SFXN5: variants seen among roughly 807,000 people sequenced by gnomAD.
SFXN5 encodes sideroflexin 5, also known as sideroflexin-5.
In SFXN5, 43 loss-of-function variants were observed where a neutral mutation model predicts 50.2. That is an observed-to-expected ratio of 0.86 (90% CI 0.67 to 1.11). The LOEUF is 1.11. Among genes scored for constraint, SFXN5 ranks in the 50% least tolerant of loss-of-function variants. The pLI is 0.00. For synonymous variants in SFXN5, 203 were observed against 185.8 expected (o/e 1.09, Z -0.75); for missense variants, 463 against 454.1 (o/e 1.02, Z -0.18).
chr2:72,970,781 G>A (rs993502164), intron 11 of SFXN5, among the ~76,000 whole-genome samples: 2 of 151,716 alleles, frequency 1.3e-5, no homozygotes, highest in Non-Finnish European at 2.9e-5. Context: ...TCTACCCCCC[G>A]GGTTCAAGCA....
intron 3 of SFXN5, among the ~76,000 whole-genome samples, chr2:73,023,815 G>A (rs551630521): frequency 8.5e-5 from 13 of 152,276 alleles, no homozygotes; most frequent in African/African-American, 3.1e-4. Flanking sequence ...CATTATGCCT[G>A]TTGTTATCAT....
chr2:73,058,949 G>T, intron 1 of SFXN5: 1 of 601,436 alleles, frequency 1.7e-6, no homozygotes. Context: ...CTGGTCCCCA[G>T]CCCTCTCCCA....
chr2:73,002,220 G>A (rs1384816361), intron 6 of SFXN5, among the ~76,000 whole-genome samples: 1 of 152,226 alleles, frequency 6.6e-6, no homozygotes, highest in Admixed American at 6.5e-5. Context: ...TTTGTTGAAT[G>A]AGTGAAGAAA....
intron 6 of SFXN5, among the ~76,000 whole-genome samples, chr2:73,013,450 A>T (rs1675792352): frequency 1.5e-5 from 2 of 134,814 alleles, no homozygotes; most frequent in South Asian, 2.3e-4. Flanking sequence ...TGTGTTTGAG[A>T]GATAGAGATG....
At chr2:73,042,237 A>G (rs1679735271) in intron 2 of SFXN5, among the ~76,000 whole-genome samples, 1 of 152,240 alleles carries the variant, frequency 6.6e-6, no homozygotes, top group African/African-American at 2.4e-5. Context: ...GCATTTATAT[A>G]GCCCCAAACT....
At chr2:73,015,983 G>A (rs924124598) in intron 6 of SFXN5, among the ~76,000 whole-genome samples, 4 of 150,946 alleles carry the variant, frequency 2.6e-5, no homozygotes, top group Non-Finnish European at 5.9e-5. Flanking sequence ...GTCTTTCTAG[G>A]CAGTTTTGGT....
chr2:72,986,199 T>C (rs1370160618), intron 10 of SFXN5, among the ~76,000 whole-genome samples: 1 of 152,224 alleles, frequency 6.6e-6, no homozygotes, highest in Non-Finnish European at 1.5e-5. Flanking sequence ...GTGGAGTTGC[T>C]ATAGCAATTA....
At chr2:73,070,613 T>C (rs1683512448) in intron 1 of SFXN5, 1 of 150,950 alleles carries the variant, frequency 6.6e-6, no homozygotes, top group South Asian at 2.1e-4. Flanking sequence ...AGCCCGAGGG[T>C]CTGCGGCGCG....
At chr2:72,989,219 G>A (rs1024680927) in intron 9 of SFXN5, among the ~76,000 whole-genome samples, 1 of 152,064 alleles carries the variant, frequency 6.6e-6, no homozygotes, top group Non-Finnish European at 1.5e-5. Context: ...TCCAGCCATG[G>A]GGCCTTTGCA....
chr2:72,968,168 C>CACAA (rs1281089115), intron 12 of SFXN5, among the ~76,000 whole-genome samples: 1 of 144,360 alleles, frequency 6.9e-6, no homozygotes, highest in South Asian at 2.2e-4. Context: ...CACACACACA[C>CACAA]AACTGCCAGC....
intron 13 of SFXN5, among the ~76,000 whole-genome samples, chr2:72,949,360 G>A (rs1672286164): frequency 6.6e-6 from 1 of 152,162 alleles, no homozygotes; most frequent in Non-Finnish European, 1.5e-5. Context: ...ATCTCGCTCT[G>A]TCACCCAGGC....
rs548231190 is a variant in SFXN5 at position 72,953,491 on chromosome 2, G to T, written c.945+7640C>A. ...GGCCTCGCATCAACCCTGGAAGAGTGGGAGAAGCAGGGACCAACAAAGTCA... is the reference window on the plus strand; with the variant it reads ...GGCCTCGCATCAACCCTGGAAGAGTTGGAGAAGCAGGGACCAACAAAGTCA... On this transcript the variant is annotated intron_variant, in intron 13 of 13. Transcript: ENST00000272433. The surrounding 1 kb of genome is among the most constrained non-coding windows in gnomAD (Gnocchi z 4.1). Among the ~76,000 whole-genome samples, 8 of 152,266 alleles carry T rather than the reference G, an allele frequency of 5.3e-5. No homozygotes were observed. The highest frequency in any genetic ancestry group is 1.9e-4 in the African/African-American group (8 of 41,564).
chr2:72,998,781 T>C (rs1574073573), intron 9 of SFXN5, 168 bp downstream of exon 9: 7 of 672,076 alleles, frequency 1.0e-5, no homozygotes, highest in Admixed American at 2.6e-5. Flanking sequence ...CTCTGTCTAC[T>C]GGAGCCTCTT....
intron 10 of SFXN5, among the ~76,000 whole-genome samples, chr2:72,987,523 T>G (rs1180305890): frequency 1.3e-5 from 2 of 151,512 alleles, no homozygotes; most frequent in Admixed American, 6.6e-5. Context: ...TTTGGGAGGG[T>G]GAGGCAGGTG....
At chr2:73,007,233 A>G (rs534100215) in intron 6 of SFXN5, among the ~76,000 whole-genome samples, 1 of 152,152 alleles carries the variant, frequency 6.6e-6, no homozygotes, top group African/African-American at 2.4e-5. Context: ...AACTGACTCA[A>G]ACTACAGGAG....
chr2:72,988,236 C>A, intron 10 of SFXN5, 22 bp downstream of exon 10: 1 of 1,610,908 alleles, frequency 6.2e-7, no homozygotes, highest in Non-Finnish European at 8.5e-7. Context: ...CAGCACACAT[C>A]TATGTGGTGT....
chr2:72,988,407 G>A, intron 9 of SFXN5, 59 bp from the exon 10 acceptor site: 7 of 1,465,062 alleles, frequency 4.8e-6, no homozygotes, highest in Non-Finnish European at 6.6e-6. Context: ...TGGCTTGTGG[G>A]AGGAGGGGGC....
In SFXN5 at chr2:73,058,540, G is replaced by A. The variant is rs761451380; in HGVS notation, c.159C>T (p.Leu53=). ...AGCCATGACTTACCTCAGTGACAAA[G>A]AGTGTGCGAGGGTCGATGATATCCA... ...HFLDIIDPRT[L]FVTERRLREA... The change falls in exon 2 of 14, where the codon CTC becomes CTT. Residue 53 remains leucine (L), a synonymous_variant. Coordinates refer to ENST00000272433, the MANE Select transcript of SFXN5 (RefSeq NM_144579.3). The A allele has an allele frequency of 6.2e-7, 1 of 1,614,128 alleles. No homozygotes were observed. Among genetic ancestry groups the A allele is most frequent in the African/African-American group, 1.3e-5 (1 of 75,040 alleles).
chr2:73,065,305 T>C (rs1683096116), intron 1 of SFXN5, among the ~76,000 whole-genome samples: 1 of 152,184 alleles, frequency 6.6e-6, no homozygotes. Context: ...CTCACTATGT[T>C]GTCCAGGCTG....
Sources: gnomAD v4.1 joint callset for allele counts (sites outside exome capture counted in the v4.1 genomes callset) on GRCh38, gnomAD v4.1.1 for gene constraint, Gnocchi (gnomAD v3.1) non-coding constraint, MANE v1.5 for transcripts, NCBI Gene and HGNC (gene_info 2026-07-23, HGNC 2026-07-21) for gene names.